ZNF814: variants seen among roughly 807,000 people sequenced by gnomAD.
The protein encoded by ZNF814 is zinc finger protein 814.
A neutral mutation model predicts 7.5 loss-of-function variants in ZNF814; 5 were observed. The observed-to-expected ratio is 0.67, with a 90% CI of 0.35 to 1.40. The LOEUF is 1.40. Ranked by LOEUF, ZNF814 falls within the 40% of genes most tolerant of loss-of-function variation. The probability of loss-of-function intolerance (pLI) is 0.04; values close to 1 mark genes in which losing one functional copy is unlikely to be tolerated. For synonymous variants in ZNF814, 315 were observed against 340.7 expected (o/e 0.92, Z 0.83); for missense variants, 962 against 1,018.0 (o/e 0.94, Z 0.75).
the ZNF814 span, among the ~76,000 whole-genome samples, chr19:57,896,296 A>G: frequency 6.6e-6 from 1 of 152,242 alleles, no homozygotes; most frequent in South Asian, 2.1e-4. This position sits in a 1 kb window ranked among gnomAD's most constrained non-coding sequence, Gnocchi z 4.2. Flanking sequence ...AGCCATTTCA[A>G]ACAGATCACG....
chr19:57,900,839 A>ATTTTTTT, the ZNF814 span, among the ~76,000 whole-genome samples: 31 of 45,772 alleles, frequency 6.8e-4, 2 homozygotes, highest in African/African-American at 2.1e-3. Context: ...CCATGGCTGC[A>ATTTTTTT]TTTTTTTTTT....
At chr19:57,878,603 C>T (rs576454288) in intron 1 of ZNF814, among the ~76,000 whole-genome samples, 2 of 152,016 alleles carry the variant, frequency 1.3e-5, no homozygotes, top group African/African-American at 4.8e-5. Flanking sequence ...GGATTACAGG[C>T]ATGTACCACC....
chr19:57,874,233 C>T lies in ZNF814; in HGVS notation c.1157G>A (p.Gly386Glu). 6.3e-7 allele frequency: 1 copy of T among 1,579,090 alleles called. No individual in the cohort carries two copies. The highest frequency in any genetic ancestry group is 8.6e-7 in the Non-Finnish European group (1 of 1,162,318). Residue 386 changes from glycine (G) to glutamate (E), a missense_variant, in exon 3 of 3, where the codon GGG becomes GAG. Gly to Glu is a moderately conservative substitution (Grantham distance 98, BLOSUM62 -2). This residue lies in a region of ZNF814 where 13 missense variants were observed against 27.7 expected (regional missense o/e 0.47). Coordinates refer to ENST00000435989, the MANE Select transcript of ZNF814 (RefSeq NM_001144989.2). ...GCTAGCATATTTGCTAAACGATTTC[C>T]CACATTCTCCACATTCATAAGGTCT... ...GKRPYECGEC[G>E]KSFSKYASFS...
At chr19:57,889,412 G>T (rs1164703874), upstream of ZNF814, among the ~76,000 whole-genome samples, 1 of 152,066 alleles carries the variant, frequency 6.6e-6, no homozygotes, top group Admixed American at 6.6e-5. Context: ...GAGTGTGGTC[G>T]GGCGGGCCTG....
upstream of ZNF814, among the ~76,000 whole-genome samples, chr19:57,892,892 C>T (rs989866769): frequency 6.6e-6 from 1 of 152,164 alleles, no homozygotes; most frequent in Non-Finnish European, 1.5e-5. Flanking sequence ...AACTCATGGT[C>T]GGAGGTTGGA....
Position 57,874,053 on chromosome 19 carries a change from C to A in ZNF814, c.1337G>T (p.Ser446Ile). ...YGCEECGKSFSSEGHLRSHQR... is the reference protein window; with the variant it reads ...YGCEECGKSFISEGHLRSHQR... ...ATGGCTCCTAAGATGTCCTTCTGAA[C>A]TAAAAGATTTCCCACATTCTTCACA... Residue 446 changes from serine to isoleucine, a missense_variant, in exon 3 of 3, where the codon AGT (serine) becomes ATT (isoleucine). This residue lies in a region of ZNF814 where 665 missense variants were observed against 551.4 expected (regional missense o/e 1.21). Coordinates refer to ENST00000435989, the MANE Select transcript of ZNF814 (RefSeq NM_001144989.2). 6.2e-7 allele frequency: 1 copy of A among 1,610,560 alleles called. No homozygotes were observed.
intron 1 of ZNF814, among the ~76,000 whole-genome samples, chr19:57,885,131 C>CT (rs2071679536): frequency 2.6e-5 from 4 of 151,852 alleles, no homozygotes; most frequent in Non-Finnish European, 5.9e-5. Context: ...ACCATCCTGG[C>CT]TAACACAGTG....
In ZNF814 at chr19:57,873,755, GT is replaced by G; in HGVS notation, c.1634del (p.Asp545AlafsTer368). 1.2e-6 allele frequency: 2 copies of G among 1,612,172 alleles called. No homozygotes were observed. Among genetic ancestry groups the G allele is most frequent in the Non-Finnish European group, 1.7e-6 (2 of 1,179,534 alleles). Reference protein sequence around the residue: ...LRNHQQIHTGDRLYECGECGK... With the variant: ...LRNHQQIHTGXRLYECGECGK... ...CACACTCTCCACACTCATAAAGTCTGTCCCCAGTGTGAATTTGCTGATGGTT... is the reference window on the plus strand; with the variant it reads ...CACACTCTCCACACTCATAAAGTCTGCCCCAGTGTGAATTTGCTGATGGTT... On this transcript the variant is annotated frameshift_variant, in exon 3 of 3. Coordinates refer to ENST00000435989, the MANE Select transcript of ZNF814 (RefSeq NM_001144989.2). LOFTEE classifies it low-confidence loss of function (END_TRUNC).
Position 57,880,131 on chromosome 19 carries a change from G to A in ZNF814, c.37-3089C>T, listed in dbSNP as rs1180155337. On this transcript the variant is annotated intron_variant, in intron 1 of 2. Transcript: ENST00000435989. ...AAAGCAAAAACAAAAAACCCCCAGCGTCATACCTGAAACCCTCTTGCATGT... is the reference window on the plus strand; with the variant it reads ...AAAGCAAAAACAAAAAACCCCCAGCATCATACCTGAAACCCTCTTGCATGT... Among the ~76,000 whole-genome samples, 6 of 123,678 alleles carry A rather than the reference G, an allele frequency of 4.9e-5. No homozygotes were observed. The East Asian group carries it at 1.1e-3, about 22-fold the overall frequency. The allele number at this position is 123,678 out of a possible 152,430, so 81.1% of individuals were successfully genotyped here. A position where few individuals can be genotyped will look rare whatever the true frequency, so the allele number is the denominator to read the frequency against.
Position 57,873,022 on chromosome 19 carries a change from G to A in ZNF814, c.2368C>T (p.His790Tyr), listed in dbSNP as rs745638122. The part of the protein sequence containing the change: ...SFAESSSFTK[H>Y]KRVHTGEKPY... ...TTTTCTCCAGTGTGAACTCTTTTGTGTTTTGTGAAACTGGAGCTTTCAGCG... is the reference window on the plus strand; with the variant it reads ...TTTTCTCCAGTGTGAACTCTTTTGTATTTTGTGAAACTGGAGCTTTCAGCG... Residue 790 changes from histidine to tyrosine, a missense_variant, in exon 3 of 3, where the codon CAC (histidine) becomes TAC (tyrosine). Physicochemically the swap from His to Tyr is moderately conservative, Grantham distance 83 (BLOSUM62 2). Coordinates refer to ENST00000435989, the MANE Select transcript of ZNF814 (RefSeq NM_001144989.2). The A allele has an allele frequency of 6.2e-7, 1 of 1,613,762 alleles. No homozygotes were observed.
intron 1 of ZNF814, 136 bp from the exon 2 acceptor site, chr19:57,877,178 A>G: frequency 7.4e-7 from 1 of 1,342,692 alleles, no homozygotes; most frequent in East Asian, 2.3e-5. Flanking sequence ...CCCACTGGTC[A>G]TGGGGTATAG....
chr19:57,883,277 G>A (rs186254274), intron 1 of ZNF814, among the ~76,000 whole-genome samples: 119 of 151,298 alleles, frequency 7.9e-4, no homozygotes, highest in Non-Finnish European at 2.1e-4. Flanking sequence ...AGAATGGCAT[G>A]AACCCCAGGG....
upstream of ZNF814, among the ~76,000 whole-genome samples, chr19:57,889,386 A>T (rs1349078155): frequency 6.6e-6 from 1 of 152,178 alleles, no homozygotes; most frequent in Non-Finnish European, 1.5e-5. Context: ...TCTACAAAAA[A>T]TAAAAAATAT....
At chr19:57,899,846 C>G in the ZNF814 span, among the ~76,000 whole-genome samples, 1 of 152,164 alleles carries the variant, frequency 6.6e-6, no homozygotes, top group African/African-American at 2.4e-5. Flanking sequence ...GATCAAATTG[C>G]TGTACTAATA....
chr19:57,878,609 C>T (rs1446845339), intron 1 of ZNF814, among the ~76,000 whole-genome samples: 5 of 151,990 alleles, frequency 3.3e-5, no homozygotes, highest in African/African-American at 1.2e-4. Context: ...CAGGCATGTA[C>T]CACCATGCCC....
At chr19:57,876,146 C>G (rs1268004638) in intron 2 of ZNF814, among the ~76,000 whole-genome samples, 1 of 151,692 alleles carries the variant, frequency 6.6e-6, no homozygotes, top group African/African-American at 2.4e-5. Context: ...TTAGTAGAGA[C>G]AGGGTTTCAC....
Position 57,874,784 on chromosome 19 carries a change from C to T in ZNF814, c.606G>A (p.Glu202=), listed in dbSNP as rs2071592144. 1 of 1,614,090 alleles carries T rather than the reference C, an allele frequency of 6.2e-7. No individual in the cohort carries two copies. The highest frequency in any genetic ancestry group is 8.5e-7 in the Non-Finnish European group (1 of 1,179,980). Residue 202 remains glutamate, a synonymous_variant, in exon 3 of 3, where the codon GAG becomes GAA. Transcript: ENST00000435989. ...HTGEKSNSKT[E]CVSPIQCGGA... ...CCCCACACTGAATGGGAGACACACA[C>T]TCAGTTTTGCTGTTTGACTTCTCCC... is the stretch of plus-strand genomic sequence containing the variant.
intron 2 of ZNF814, chr19:57,876,690 A>C: frequency 4.9e-6 from 3 of 617,510 alleles, no homozygotes; most frequent in South Asian, 6.9e-5. Flanking sequence ...TGGGCTTCTG[A>C]CTGGGAATCC....
Position 57,879,016 on chromosome 19 carries a change from T to C in ZNF814, c.37-1974A>G, listed in dbSNP as rs551685151. 9.2e-5 allele frequency among the ~76,000 whole-genome samples: 14 copies of C among 152,106 alleles called. No homozygotes were observed. In the South Asian group the frequency reaches 1.2e-3, roughly 14 times the overall value. ...AACTTGCACTCAGGCCATTTGTGGT[T>C]ATACCAATATGACCAGGCATCCAGG... On this transcript the variant is annotated intron_variant, in intron 1 of 2. Coordinates refer to ENST00000435989, the MANE Select transcript of ZNF814 (RefSeq NM_001144989.2).
Sources: gnomAD v4.1 joint callset for allele counts (sites outside exome capture counted in the v4.1 genomes callset) on GRCh38, gnomAD v4.1.1 for gene constraint, gnomAD v4.1.1 regional missense constraint, Gnocchi (gnomAD v3.1) non-coding constraint, MANE v1.5 for transcripts, NCBI Gene and HGNC (gene_info 2026-07-23, HGNC 2026-07-21) for gene names.